FAM20C: variants seen among roughly 807,000 people sequenced by gnomAD.
FAM20C encodes the protein extracellular serine/threonine protein kinase FAM20C.
FAM20C carries 40 observed loss-of-function variants against 51.5 expected under a neutral mutation model. That is an observed-to-expected ratio of 0.78 (90% CI 0.60 to 1.01). The LOEUF (loss-of-function observed/expected upper bound fraction) is 1.01. Among genes scored for constraint, FAM20C ranks in the 50% least tolerant of loss-of-function variants. The pLI is 0.00. For synonymous variants in FAM20C, 406 were observed against 380.6 expected (o/e 1.07, Z -0.78); for missense variants, 861 against 844.7 (o/e 1.02, Z -0.24).
At position 224,148 on chromosome 7, in the gene FAM20C, G is replaced by A. The variant is rs1275958169; in HGVS notation, c.863+15172G>A. Among the ~76,000 whole-genome samples the A allele has an allele frequency of 1.4e-3, 211 of 149,454 alleles. 1 individual carries two copies. The highest frequency in any genetic ancestry group is 1.6e-3 in the Non-Finnish European group (109 of 67,634). On this transcript the variant is annotated intron_variant, in intron 3 of 9. Transcript: ENST00000313766. The stretch of plus-strand genomic sequence containing the variant: ...GGCACCCTCACGGGGGTCTCACAGC[G>A]GCTGTCCCCTGAGCATTCTCTCACG...
intron 3 of FAM20C, chr7:228,250 G>A (rs1157448233): frequency 2.7e-5 from 9 of 332,570 alleles, no homozygotes; most frequent in African/African-American, 8.6e-5. Flanking sequence ...GTCAGTAGGC[G>A]ACCCCTGCCC....
At chr7:245,382 G>C (rs1371241404) in intron 3 of FAM20C, among the ~76,000 whole-genome samples, 1 of 152,178 alleles carries the variant, frequency 6.6e-6, no homozygotes, top group East Asian at 1.9e-4. Context: ...TCCCTCCCTG[G>C]GCCTGGCATG....
chr7:202,251 G>A (rs994584057), intron 2 of FAM20C, among the ~76,000 whole-genome samples: 10 of 151,640 alleles, frequency 6.6e-5, no homozygotes, highest in Non-Finnish European at 1.2e-4. Context: ...ACATCTTCCC[G>A]TGTGCATAGA....
rs745823970 is a variant in FAM20C at position 195,593 on chromosome 7, C to G, written c.645C>G (p.Pro215=). 21 of 1,598,970 alleles carry G rather than the reference C, an allele frequency of 1.3e-5. No homozygotes were observed. The highest frequency in any genetic ancestry group is 1.7e-4 in the Middle Eastern group (1 of 6,030). The change falls in exon 2 of 10, where the codon CCC becomes CCG. Residue 215 remains proline (P), a synonymous_variant. Coordinates refer to ENST00000313766, the MANE Select transcript of FAM20C (RefSeq NM_020223.4). The part of the protein sequence containing the change: ...AGAEGAEFLS[P]GEAAVDSYPN... The stretch of plus-strand genomic sequence containing the variant: ...CTGAAGGTGCAGAATTCCTCTCCCC[C>G]GGGGAGGCGGCCGTGGACTCCTATC...
intron 8 of FAM20C, among the ~76,000 whole-genome samples, chr7:257,747 G>A (rs538074800): frequency 0.051 from 6,968 of 135,786 alleles, 236 homozygotes; most frequent in Non-Finnish European, 0.073. Context: ...CCACTGCCTG[G>A]GGTGCTGGAG....
chr7:256,800 C>T (rs1311801004), intron 7 of FAM20C, 37 bp downstream of exon 7: 31 of 1,517,468 alleles, frequency 2.0e-5, no homozygotes, highest in African/African-American at 2.8e-5. Context: ...CCGTGTCACT[C>T]GCCTTGCGTG....
At chr7:253,993 A>G (rs1788500178) in intron 5 of FAM20C, among the ~76,000 whole-genome samples, 1 of 152,218 alleles carries the variant, frequency 6.6e-6, no homozygotes, top group Non-Finnish European at 1.5e-5. Flanking sequence ...AGCACGAGAC[A>G]GGATTGCAGC....
intron 3 of FAM20C, among the ~76,000 whole-genome samples, chr7:244,203 G>A (rs939179498): frequency 2.0e-5 from 3 of 152,072 alleles, no homozygotes; most frequent in African/African-American, 4.8e-5. Flanking sequence ...CTGTGCAGAC[G>A]TAAGGCTCGA....
intron 5 of FAM20C, among the ~76,000 whole-genome samples, chr7:254,017 A>G (rs1312910559): frequency 6.6e-6 from 1 of 151,786 alleles, no homozygotes; most frequent in Non-Finnish European, 1.5e-5. Flanking sequence ...TCTTTCCTTG[A>G]TCGTTCGTTC....
chr7:255,791 C>T (rs924918272), intron 5 of FAM20C, 58 bp from the exon 6 acceptor site: 168 of 1,528,546 alleles, frequency 1.1e-4, no homozygotes, highest in Admixed American at 5.1e-4. Flanking sequence ...GCCGTGAGAC[C>T]ACAGGTGAGG....
At chr7:241,580 G>GTGTGTA (rs1160503711) in intron 3 of FAM20C, among the ~76,000 whole-genome samples, 2 of 148,810 alleles carry the variant, frequency 1.3e-5, no homozygotes, top group Non-Finnish European at 3.0e-5. Context: ...GTGTGTGTGT[G>GTGTGTA]CACTCCTGCG....
intron 2 of FAM20C, among the ~76,000 whole-genome samples, chr7:207,790 G>T (rs541237189): frequency 6.6e-6 from 1 of 152,206 alleles, no homozygotes; most frequent in Non-Finnish European, 1.5e-5. Flanking sequence ...GGAGGCCCTC[G>T]CTGTGGCCAG....
chr7:254,440 G>C (rs905898481), intron 5 of FAM20C, among the ~76,000 whole-genome samples: 2 of 152,318 alleles, frequency 1.3e-5, no homozygotes, highest in Middle Eastern at 3.4e-3. Context: ...GCTTTCCAGA[G>C]TTTCTCCACA....
chr7:205,396 C>CGGACACGCACCGCCACG, intron 2 of FAM20C, among the ~76,000 whole-genome samples: 1 of 150,468 alleles, frequency 6.6e-6, no homozygotes, highest in African/African-American at 2.4e-5. Flanking sequence ...CACACCACCA[C>CGGACACGCACCGCCACG]ACCAGTTAAT....
intron 3 of FAM20C, among the ~76,000 whole-genome samples, chr7:231,165 C>T (rs1404774266): frequency 3.3e-5 from 5 of 152,206 alleles, no homozygotes; most frequent in East Asian, 1.9e-4. Flanking sequence ...CTGGCGTGGC[C>T]GACCCCAACC....
At chr7:234,500 G>A (rs1787793321) in intron 3 of FAM20C, among the ~76,000 whole-genome samples, 1 of 152,152 alleles carries the variant, frequency 6.6e-6, no homozygotes, top group Non-Finnish European at 1.5e-5. Flanking sequence ...ACTCCTCTGA[G>A]CCCTGGTCTT....
At chr7:229,294 G>T in intron 3 of FAM20C, 1 of 213,426 alleles carries the variant, frequency 4.7e-6, no homozygotes, top group South Asian at 8.3e-5. Flanking sequence ...ATGTGTTCTG[G>T]CTGGTGTATA....
chr7:206,185 C>G (rs537219594), intron 2 of FAM20C, among the ~76,000 whole-genome samples: 29 of 152,202 alleles, frequency 1.9e-4, no homozygotes, highest in Non-Finnish European at 3.8e-4. Context: ...CGTCACTCCA[C>G]CAGATACCTC....
In FAM20C at chr7:212,221, G is replaced by A. The variant is rs117404841; in HGVS notation, c.863+3245G>A. On this transcript the variant is annotated intron_variant, in intron 3 of 9. Coordinates refer to ENST00000313766, the MANE Select transcript of FAM20C (RefSeq NM_020223.4). ...CTCGCAGCTGTAATCCCAGCACTTC[G>A]GGAGGCCGAGGCTGGCGGATCATTT... Among the ~76,000 whole-genome samples, 488 of 152,302 alleles carry A rather than the reference G, an allele frequency of 3.2e-3. 23 individuals carry two copies. The East Asian group carries it at 0.076, about 24-fold the overall frequency.
Sources: allele counts gnomAD v4.1 joint callset (sites outside exome capture counted in the v4.1 genomes callset), GRCh38; gene constraint gnomAD v4.1.1; transcripts MANE v1.5; gene names NCBI Gene and HGNC (gene_info 2026-07-23, HGNC 2026-07-21).